Variants in LRRIQ1 observed in about 807,000 individuals in gnomAD.
LRRIQ1 encodes leucine rich repeats and IQ motif containing 1, also known as leucine-rich repeat- and IQ domain-containing protein 1.
Under a neutral mutation model 211.9 loss-of-function variants are expected in LRRIQ1, and 210 were observed. The ratio of observed to expected loss-of-function variants is 0.99; its 90% CI spans 0.89 to 1.11. The LOEUF is 1.11. Ranked by LOEUF, LRRIQ1 falls within the 50% of genes most tolerant of loss-of-function variation. LRRIQ1 has a pLI of 0.00. For missense variants in LRRIQ1, 2,136 were observed against 1,939.5 expected (o/e 1.10, Z -1.90); for synonymous variants, 699 against 650.1 (o/e 1.08, Z -1.14).
rs527658705 is a variant in LRRIQ1, at chr12:85,089,202, G to T, written c.2888-9153G>T. On this transcript the variant is annotated intron_variant, in intron 11 of 26. Transcript: ENST00000393217. ...TTTCTGCATCTATTGAGATAATCAT[G>T]TGGTTTTTGTCTTTGGTTCTGTTTA... Among the ~76,000 whole-genome samples, 10 of 152,296 alleles carry T rather than the reference G, an allele frequency of 6.6e-5. 1 individual carries two copies. In the South Asian group the frequency reaches 2.1e-3, roughly 32 times the overall value.
chr12:85,042,171 A>G (rs531887589), intron 3 of LRRIQ1, among the ~76,000 whole-genome samples: 1 of 151,922 alleles, frequency 6.6e-6, no homozygotes, highest in East Asian at 1.9e-4. Context: ...AATTAGTTAC[A>G]TGAACTGAGA....
At chr12:85,219,534 CAATTTTGAGA>C in intron 24 of LRRIQ1, among the ~76,000 whole-genome samples, 1 of 152,096 alleles carries the variant, frequency 6.6e-6, no homozygotes, top group East Asian at 1.9e-4. Flanking sequence ...CCAAATGGAC[CAATTTTGAGA>C]ATGAATTCAA....
At chr12:85,098,623 A>G in intron 12 of LRRIQ1, 75 bp downstream of exon 12, 2 of 1,223,722 alleles carry the variant, frequency 1.6e-6, no homozygotes, top group Non-Finnish European at 2.3e-6. Context: ...ATCACATATT[A>G]AAAGCAATTT....
chr12:85,217,682 ATATATGTG>A (rs1894206269), intron 24 of LRRIQ1, among the ~76,000 whole-genome samples: 3 of 145,316 alleles, frequency 2.1e-5, no homozygotes. Flanking sequence ...GTATATATGT[ATATATGTG>A]TATATATGTA....
At chr12:85,172,776 A>G (rs1482385117) in intron 24 of LRRIQ1, among the ~76,000 whole-genome samples, 1 of 152,270 alleles carries the variant, frequency 6.6e-6, no homozygotes, top group Non-Finnish European at 1.5e-5. Flanking sequence ...GGAATTGATG[A>G]TATTAGGCCC....
chr12:85,121,049 C>T (rs1592834602), intron 15 of LRRIQ1, among the ~76,000 whole-genome samples: 1 of 152,152 alleles, frequency 6.6e-6, no homozygotes, highest in Non-Finnish European at 1.5e-5. Flanking sequence ...GTCACTGCAA[C>T]CTCCACCTCC....
In LRRIQ1 at chr12:85,047,097, C is replaced by G. The variant is rs555660902; in HGVS notation, c.455-150C>G. ...AGCACACCAACATGGCACATGTATACATATGTAACAAACCTGCACGTTGTG... is the reference window on the plus strand; with the variant it reads ...AGCACACCAACATGGCACATGTATAGATATGTAACAAACCTGCACGTTGTG... On this transcript the variant is annotated intron_variant, in intron 5 of 26. Coordinates refer to ENST00000393217, the MANE Select transcript of LRRIQ1 (RefSeq NM_001079910.2). 1.2e-5 allele frequency: 6 copies of G among 497,444 alleles called. No individual in the cohort carries two copies. The South Asian group carries it at 1.6e-4, about 13-fold the overall frequency. 30.8% of individuals were successfully genotyped at this position (497,444 alleles called of 1,614,324 possible).
chr12:85,095,325 G>A (rs970041038), intron 11 of LRRIQ1, among the ~76,000 whole-genome samples: 6 of 152,052 alleles, frequency 3.9e-5, no homozygotes, highest in Admixed American at 1.3e-4. Flanking sequence ...TATCATTAAC[G>A]GATGTTGGAT....
intron 24 of LRRIQ1, among the ~76,000 whole-genome samples, chr12:85,199,887 T>A (rs1893206924): frequency 6.6e-6 from 1 of 152,196 alleles, no homozygotes; most frequent in Admixed American, 6.5e-5. Flanking sequence ...AGCCAAAACA[T>A]ACCAGTCAGG....
chr12:85,130,964 C>T (rs982531450), intron 18 of LRRIQ1, among the ~76,000 whole-genome samples: 1 of 151,700 alleles, frequency 6.6e-6, no homozygotes. Flanking sequence ...GATCCCAACA[C>T]TTTGAGAGGC....
intron 15 of LRRIQ1, among the ~76,000 whole-genome samples, chr12:85,117,483 T>C (rs1887666562): frequency 6.6e-6 from 1 of 152,242 alleles, no homozygotes; most frequent in Non-Finnish European, 1.5e-5. Flanking sequence ...TTATTAATTT[T>C]TCTTGTAAGA....
chr12:85,207,977 A>G (rs1005278712), intron 24 of LRRIQ1, among the ~76,000 whole-genome samples: 1 of 151,674 alleles, frequency 6.6e-6, no homozygotes, highest in African/African-American at 2.4e-5. Flanking sequence ...AATATGAAAT[A>G]TAGGTTCCTT....
chr12:85,212,809 G>C (rs1415571553), intron 24 of LRRIQ1, among the ~76,000 whole-genome samples: 2 of 149,998 alleles, frequency 1.3e-5, no homozygotes, highest in African/African-American at 4.9e-5. Context: ...GAAAGAGAGA[G>C]AGAAAGAGAG....
chr12:85,061,859 T>C (rs1490817849), intron 8 of LRRIQ1, among the ~76,000 whole-genome samples: 1 of 151,846 alleles, frequency 6.6e-6, no homozygotes, highest in African/African-American at 2.4e-5. Context: ...TGCTTTAGAT[T>C]ATGAATAGTT....
intron 8 of LRRIQ1, among the ~76,000 whole-genome samples, chr12:85,058,991 A>G (rs928285595): frequency 3.9e-5 from 6 of 152,000 alleles, no homozygotes; most frequent in African/African-American, 1.4e-4. Context: ...TGCCATATAG[A>G]TGCTAAAATG....
At chr12:85,196,041 CA>C (rs992953203) in intron 24 of LRRIQ1, among the ~76,000 whole-genome samples, 4 of 151,994 alleles carry the variant, frequency 2.6e-5, no homozygotes, top group African/African-American at 9.7e-5. Flanking sequence ...AACAGACAAA[CA>C]GAGAGCCAAA....
At chr12:85,155,155 T>C (rs1039861899) in intron 23 of LRRIQ1, among the ~76,000 whole-genome samples, 2 of 151,586 alleles carry the variant, frequency 1.3e-5, no homozygotes, top group Admixed American at 6.6e-5. Flanking sequence ...AGTGTTCAAC[T>C]TGCATACCTT....
rs1049077692 is a variant in LRRIQ1, at chr12:85,065,173, A to G, written c.2392-89A>G. The G allele has an allele frequency of 4.5e-6, 5 of 1,121,486 alleles. No homozygotes were observed. The African/African-American group carries it at 4.9e-5, about 11-fold the overall frequency. The allele number at this position is 1,121,486 out of a possible 1,614,324, so 69.5% of individuals were successfully genotyped here. ...ATATAGTATTACTTTTCTTAAATGAATTTTCTAAACAGTTTTGTAAGGCTA... is the reference window on the plus strand; with the variant it reads ...ATATAGTATTACTTTTCTTAAATGAGTTTTCTAAACAGTTTTGTAAGGCTA... On this transcript the variant is annotated intron_variant, in intron 8 of 26. Transcript: ENST00000393217.
At chr12:85,058,391 A>G (rs1881383114) in intron 8 of LRRIQ1, among the ~76,000 whole-genome samples, 1 of 152,012 alleles carries the variant, frequency 6.6e-6, no homozygotes, top group Admixed American at 6.6e-5. Flanking sequence ...TTCTTTCTCT[A>G]ACATATTGCT....
Sources: allele counts gnomAD v4.1 joint callset (sites outside exome capture counted in the v4.1 genomes callset), GRCh38; gene constraint gnomAD v4.1.1; transcripts MANE v1.5; gene names NCBI Gene and HGNC (gene_info 2026-07-23, HGNC 2026-07-21).